The following KCNIP1 variants were observed in gnomAD, a reference collection of about 807,000 sequenced individuals.
The protein encoded by KCNIP1 is A-type potassium channel modulatory protein KCNIP1.
A neutral mutation model predicts 33.0 loss-of-function variants in KCNIP1; 18 were observed. The observed-to-expected ratio is 0.55, with a 90% CI of 0.38 to 0.81. KCNIP1 has a LOEUF of 0.81. Ranked by LOEUF, KCNIP1 falls within the 30% of genes least tolerant of loss-of-function variation. The probability of loss-of-function intolerance (pLI) is 0.00; values close to 1 mark genes in which losing one functional copy is unlikely to be tolerated. For missense variants in KCNIP1, 238 were observed against 271.6 expected (o/e 0.88, Z 0.87); for synonymous variants, 93 against 98.3 (o/e 0.95, Z 0.32).
At chr5:170,517,562 G>C (rs911536933) in intron 1 of KCNIP1, among the ~76,000 whole-genome samples, 1 of 67,986 alleles carries the variant, frequency 1.5e-5, no homozygotes, top group Non-Finnish European at 3.5e-5. Flanking sequence ...TGATTATAAG[G>C]GTGGTGGTGG....
intron 1 of KCNIP1, among the ~76,000 whole-genome samples, chr5:170,591,409 G>C (rs1013952271): frequency 6.6e-6 from 1 of 152,210 alleles, no homozygotes; most frequent in Non-Finnish European, 1.5e-5. Context: ...GGCACTTGTC[G>C]AGATCTCCCA....
rs577358260 is a variant in KCNIP1, at chr5:170,718,786, C to T, written c.90C>T (p.Thr30=). 17 of 1,612,868 alleles carry T rather than the reference C, an allele frequency of 1.1e-5. No homozygotes were observed. The highest frequency in any genetic ancestry group is 1.7e-4 in the Middle Eastern group (1 of 6,052). ...AGATTGAAGATGAGCTGGAGATGAC[C>T]ATGGTTTGCCATCGGCCCGAGGGAC... ...KDKIEDELEM[T]MVCHRPEGLE... is the part of the protein sequence containing the mutation. The change falls in exon 2 of 8, where the codon ACC becomes ACT. Residue 30 remains threonine, a synonymous_variant. Transcript: ENST00000328939.
intron 1 of KCNIP1, among the ~76,000 whole-genome samples, chr5:170,446,661 G>C (rs1756124246): frequency 6.6e-6 from 1 of 152,080 alleles, no homozygotes; most frequent in Admixed American, 6.6e-5. Context: ...ATCCTGATCT[G>C]GAACTCCTGG....
At chr5:170,623,310 C>T (rs1164538827) in intron 1 of KCNIP1, among the ~76,000 whole-genome samples, 2 of 151,874 alleles carry the variant, frequency 1.3e-5, no homozygotes, top group African/African-American at 2.4e-5. Context: ...CTCCTGGGTT[C>T]AAGCCATTCT....
chr5:170,577,910 A>G (rs1757658870), intron 1 of KCNIP1, among the ~76,000 whole-genome samples: 1 of 152,224 alleles, frequency 6.6e-6, no homozygotes, highest in Non-Finnish European at 1.5e-5. Context: ...GAATTTTTTA[A>G]TCAATCACCT....
intron 1 of KCNIP1, among the ~76,000 whole-genome samples, chr5:170,461,551 C>A (rs1756501289): frequency 6.6e-6 from 1 of 152,036 alleles, no homozygotes; most frequent in South Asian, 2.1e-4. Context: ...GAGATTGAGA[C>A]CATCCTGGCT....
intron 1 of KCNIP1, among the ~76,000 whole-genome samples, chr5:170,660,042 C>A (rs1356630289): frequency 6.6e-6 from 1 of 152,098 alleles, no homozygotes; most frequent in African/African-American, 2.4e-5. Flanking sequence ...AAGAAAAATG[C>A]AAGGAAATAA....
At chr5:170,627,039 C>G (rs1314462606) in intron 1 of KCNIP1, among the ~76,000 whole-genome samples, 2 of 152,144 alleles carry the variant, frequency 1.3e-5, no homozygotes, top group African/African-American at 4.8e-5. Flanking sequence ...GGCCGGTGTT[C>G]AGTGGGGCCA....
intron 3 of KCNIP1, 135 bp downstream of exon 3, chr5:170,720,525 C>A: frequency 1.4e-6 from 1 of 706,766 alleles, no homozygotes; most frequent in Non-Finnish European, 2.5e-6. Flanking sequence ...ACACCTCCCT[C>A]ATCGTGAGAG....
chr5:170,549,529 A>G (rs1756531636), intron 1 of KCNIP1, among the ~76,000 whole-genome samples: 1 of 152,246 alleles, frequency 6.6e-6, no homozygotes, highest in South Asian at 2.1e-4. Flanking sequence ...AACCAGATTA[A>G]TAGTATAATT....
intron 1 of KCNIP1, among the ~76,000 whole-genome samples, chr5:170,704,202 G>GAGTGTTGGGGA (rs1554113070): frequency 8.2e-6 from 1 of 122,674 alleles, no homozygotes; most frequent in Non-Finnish European, 1.6e-5. Context: ...TCATGACAGG[G>GAGTGTTGGGGA]ATTAGTCTCT....
intron 1 of KCNIP1, among the ~76,000 whole-genome samples, chr5:170,715,168 G>A (rs1455929888): frequency 1.3e-5 from 2 of 152,140 alleles, no homozygotes; most frequent in Admixed American, 1.3e-4. Context: ...ATTGCCTACA[G>A]TATTCAGTAC....
intron 5 of KCNIP1, among the ~76,000 whole-genome samples, chr5:170,729,400 G>A (rs554278054): frequency 6.6e-6 from 1 of 152,136 alleles, no homozygotes; most frequent in South Asian, 2.1e-4. Context: ...ACAAAGGCAA[G>A]AGTCATATTC....
chr5:170,383,811 G>T (rs1340380344), intron 1 of KCNIP1: 4 of 1,613,952 alleles, frequency 2.5e-6, no homozygotes, highest in African/African-American at 1.3e-5. Flanking sequence ...CCCTGATGTT[G>T]GTCTCAATCA....
At chr5:170,394,268 C>A (rs1754696570) in intron 1 of KCNIP1, among the ~76,000 whole-genome samples, 1 of 152,190 alleles carries the variant, frequency 6.6e-6, no homozygotes, top group Non-Finnish European at 1.5e-5. Context: ...ATGCTGGGAG[C>A]ACCGCATGCC....
intron 1 of KCNIP1, among the ~76,000 whole-genome samples, chr5:170,592,097 T>C (rs956312232): frequency 1.3e-5 from 2 of 152,220 alleles, no homozygotes; most frequent in Non-Finnish European, 2.9e-5. Flanking sequence ...CTCCATATCC[T>C]CACCAACACT....
At chr5:170,646,227 T>C (rs1256980038) in intron 1 of KCNIP1, among the ~76,000 whole-genome samples, 1 of 152,094 alleles carries the variant, frequency 6.6e-6, no homozygotes, top group Non-Finnish European at 1.5e-5. Flanking sequence ...AAAGGAAATA[T>C]TTCCTAACTC....
At chr5:170,567,474 G>A (rs1264228980) in intron 1 of KCNIP1, among the ~76,000 whole-genome samples, 1 of 152,236 alleles carries the variant, frequency 6.6e-6, no homozygotes, top group East Asian at 1.9e-4. Flanking sequence ...TAAGTAGTCA[G>A]TCAGGAGATG....
chr5:170,517,428 T>TTG (rs1392328083), intron 1 of KCNIP1, among the ~76,000 whole-genome samples: 1 of 152,150 alleles, frequency 6.6e-6, no homozygotes, highest in Non-Finnish European at 1.5e-5. Flanking sequence ...AGGGATAATA[T>TTG]TGTTGATGAT....
Sources: gnomAD v4.1 joint callset for allele counts (sites outside exome capture counted in the v4.1 genomes callset) on GRCh38, gnomAD v4.1.1 for gene constraint, MANE v1.5 for transcripts, NCBI Gene and HGNC (gene_info 2026-07-23, HGNC 2026-07-21) for gene names.